The following CECR2 variants were observed in gnomAD, a reference collection of about 807,000 sequenced individuals.
The protein encoded by CECR2 is chromatin remodeling regulator CECR2.
CECR2 carries 30 observed loss-of-function variants against 154.5 expected under a neutral mutation model. That is an observed-to-expected ratio of 0.19 (90% confidence interval 0.15 to 0.26). The LOEUF is 0.26. Ranked by LOEUF, CECR2 falls within the 10% of genes least tolerant of loss-of-function variation. The pLI is 1.00. For missense variants in CECR2, 1,743 were observed against 1,829.3 expected, an observed-to-expected ratio of 0.95 and a Z score of 0.86; for synonymous variants, 725 against 683.7, an observed-to-expected ratio of 1.06 and a Z score of -0.94.
chr22:17,514,364 G>A (rs5992728), intron 8 of CECR2, among the ~76,000 whole-genome samples: 9,328 of 152,216 alleles, frequency 0.061, 336 homozygotes, highest in African/African-American at 0.085. Context: ...ACAGCATGTT[G>A]GGCATTGCTT....
chr22:17,421,850 TAAA>T (rs35949878), intron 1 of CECR2, among the ~76,000 whole-genome samples: 2 of 138,278 alleles, frequency 1.4e-5, no homozygotes, highest in Admixed American at 7.2e-5. Flanking sequence ...GCATCTCTAC[TAAA>T]AAAAAAAACA....
intron 1 of CECR2, chr22:17,477,046 G>A (rs545825255): frequency 1.4e-6 from 1 of 706,940 alleles, no homozygotes; most frequent in East Asian, 2.7e-5. Context: ...CCTTTCATCA[G>A]CCATGTAGGT....
At chr22:17,522,974 C>T (rs1889007027) in intron 8 of CECR2, among the ~76,000 whole-genome samples, 1 of 149,748 alleles carries the variant, frequency 6.7e-6, no homozygotes, top group African/African-American at 2.5e-5. Flanking sequence ...CACTGCACTC[C>T]AGCCTTGGTG....
intron 1 of CECR2, among the ~76,000 whole-genome samples, chr22:17,464,740 G>C (rs556481255): frequency 1.7e-4 from 26 of 152,192 alleles, no homozygotes; most frequent in Admixed American, 6.5e-4. Context: ...GACTCAAGCA[G>C]TCCTCCCACT....
chr22:17,410,591 G>C (rs2054053950), intron 1 of CECR2, among the ~76,000 whole-genome samples: 1 of 152,076 alleles, frequency 6.6e-6, no homozygotes, highest in East Asian at 1.9e-4. Flanking sequence ...GGGACTACAG[G>C]CGCACGCCAC....
chr22:17,414,880 G>A (rs2054133885), intron 1 of CECR2, among the ~76,000 whole-genome samples: 1 of 152,264 alleles, frequency 6.6e-6, no homozygotes, highest in South Asian at 2.1e-4. Flanking sequence ...CTTTCTTAGT[G>A]GTGTACCTGT....
chr22:17,539,477 G>A (rs2056487879), intron 13 of CECR2, among the ~76,000 whole-genome samples: 1 of 152,070 alleles, frequency 6.6e-6, no homozygotes, highest in African/African-American at 2.4e-5. Context: ...AAGTAGAAAT[G>A]GCTCTTTCTG....
intron 1 of CECR2, among the ~76,000 whole-genome samples, chr22:17,370,720 C>G (rs73391753): frequency 1.3e-5 from 2 of 152,094 alleles, no homozygotes; most frequent in Non-Finnish European, 2.9e-5. Flanking sequence ...ACCCGAGGGT[C>G]CTGGAGCGCG....
chr22:17,439,047 G>A (rs1300772682), intron 1 of CECR2, among the ~76,000 whole-genome samples: 3 of 151,998 alleles, frequency 2.0e-5, no homozygotes, highest in South Asian at 2.1e-4. Flanking sequence ...ATAAAAGCAA[G>A]AAGACCTAGC....
At chr22:17,513,208 T>C (rs1044341402) in intron 8 of CECR2, among the ~76,000 whole-genome samples, 1 of 152,182 alleles carries the variant, frequency 6.6e-6, no homozygotes, top group African/African-American at 2.4e-5. Flanking sequence ...TTAAATTACT[T>C]TATCACATCA....
At position 17,557,667 on chromosome 22, in the gene CECR2, G is replaced by T. The variant is rs956795587; in HGVS notation, c.*4827G>T. On this transcript the variant is annotated 3_prime_UTR_variant, in exon 19 of 19. Coordinates refer to ENST00000262608, the MANE Select transcript of CECR2 (RefSeq NM_001290047.2). ...GTCCTTGCTTGTGTTGTTGACAGGG[G>T]TGGGTGGGGTGGGAGCAGGGGTATG... 1 of 150,708 alleles carries T rather than the reference G, an allele frequency of 6.6e-6. No homozygotes were observed. The highest frequency in any genetic ancestry group is 1.5e-5 in the Non-Finnish European group (1 of 67,772). The allele number at this position is 150,708 out of a possible 1,614,324, so 9.3% of individuals were successfully genotyped here.
intron 1 of CECR2, among the ~76,000 whole-genome samples, chr22:17,384,756 G>GC (rs1205881204): frequency 2.6e-5 from 4 of 152,174 alleles, no homozygotes; most frequent in Non-Finnish European, 5.9e-5. Context: ...TAAGTCACCA[G>GC]CCCCTAAGAG....
At chr22:17,529,586 G>C (rs1434943750) in intron 9 of CECR2, among the ~76,000 whole-genome samples, 1 of 152,018 alleles carries the variant, frequency 6.6e-6, no homozygotes, top group African/African-American at 2.4e-5. Context: ...TGTAGTCCCA[G>C]CTACTCGGGA....
intron 6 of CECR2, among the ~76,000 whole-genome samples, chr22:17,503,442 C>G (rs868150126): frequency 3.3e-5 from 5 of 152,186 alleles, no homozygotes; most frequent in African/African-American, 9.7e-5. Context: ...GTCAGTGCTT[C>G]ATGACACAAT....
intron 16 of CECR2, 89 bp downstream of exon 16, chr22:17,543,092 T>C (rs1601543944): frequency 7.4e-7 from 1 of 1,353,224 alleles, no homozygotes; most frequent in South Asian, 1.5e-5. Flanking sequence ...GTAATCTGGT[T>C]CCCAGCCTCT....
chr22:17,361,668 G>A (rs1259331103), intron 1 of CECR2, among the ~76,000 whole-genome samples: 2 of 151,748 alleles, frequency 1.3e-5, no homozygotes, highest in South Asian at 4.2e-4. Flanking sequence ...GAACCCGGGG[G>A]CTGGGGGGAG....
chr22:17,468,741 G>GT (rs902715324), intron 1 of CECR2, among the ~76,000 whole-genome samples: 4 of 152,166 alleles, frequency 2.6e-5, no homozygotes, highest in African/African-American at 9.7e-5. Context: ...TATATTTCAT[G>GT]TATTTAAAAT....
At chr22:17,385,050 C>T (rs1357432157) in intron 1 of CECR2, among the ~76,000 whole-genome samples, 1 of 152,194 alleles carries the variant, frequency 6.6e-6, no homozygotes, top group East Asian at 1.9e-4. Flanking sequence ...GTTTCCTCAC[C>T]TTTCTAAGCC....
chr22:17,425,153 T>C (rs1439590667), intron 1 of CECR2, among the ~76,000 whole-genome samples: 2 of 152,140 alleles, frequency 1.3e-5, no homozygotes, highest in African/African-American at 4.8e-5. Context: ...TAAATTTGTT[T>C]GGAAAGATGA....
Sources: allele counts gnomAD v4.1 joint callset (sites outside exome capture counted in the v4.1 genomes callset), GRCh38; gene constraint gnomAD v4.1.1; transcripts MANE v1.5; gene names NCBI Gene and HGNC (gene_info 2026-07-23, HGNC 2026-07-21).